SCNN1B: variants seen among roughly 807,000 people sequenced by gnomAD.
SCNN1B encodes the protein epithelial sodium channel subunit beta.
A neutral mutation model predicts 65.3 loss-of-function variants in SCNN1B; 46 were observed. The ratio of observed to expected loss-of-function variants is 0.70; its 90% CI spans 0.56 to 0.90. The LOEUF (loss-of-function observed/expected upper bound fraction) is 0.90. SCNN1B is among the 40% of genes least tolerant of loss of function. The probability of loss-of-function intolerance (pLI) is 0.00; values close to 1 mark genes in which losing one functional copy is unlikely to be tolerated. For synonymous variants in SCNN1B, 349 were observed against 330.6 expected, an observed-to-expected ratio of 1.06 and a Z score of -0.60; for missense variants, 751 against 830.5, an observed-to-expected ratio of 0.90 and a Z score of 1.18.
At chr16:23,366,968 G>T (rs1028345935) in intron 4 of SCNN1B, among the ~76,000 whole-genome samples, 2 of 152,194 alleles carry the variant, frequency 1.3e-5, no homozygotes, top group Non-Finnish European at 2.9e-5. Context: ...ATCAGAAGAG[G>T]CAAGGAGGAA....
At position 23,360,201 on chromosome 16, in the gene SCNN1B, A is replaced by AAAAT. The variant is rs781261312; in HGVS notation, c.776+4736_776+4739dup. On this transcript the variant is annotated intron_variant, in intron 4 of 12. Coordinates refer to ENST00000343070, the MANE Select transcript of SCNN1B (RefSeq NM_000336.3). ...AGAGAGAGCGAGACTCCATCTCAAA[A>AAAAT]AAATAAATAAATAAATAAATAAATA... is the stretch of plus-strand genomic sequence containing the variant. 8.4e-3 allele frequency among the ~76,000 whole-genome samples: 1,120 copies of AAAAT among 132,830 alleles called. 7 individuals are homozygous for AAAAT. The highest frequency in any genetic ancestry group is 0.012 in the Non-Finnish European group (707 of 60,220). The allele number at this position is 132,830 out of a possible 152,430, so 87.1% of individuals were successfully genotyped here. A position where few individuals can be genotyped will look rare whatever the true frequency, so the allele number is the denominator to read the frequency against.
At chr16:23,360,221 T>TAAATAAAC (rs1962516564) in intron 4 of SCNN1B, among the ~76,000 whole-genome samples, 1 of 150,222 alleles carries the variant, frequency 6.7e-6, no homozygotes, top group South Asian at 2.1e-4. Context: ...AATAAATAAA[T>TAAATAAAC]AAATAAACAA....
At chr16:23,321,943 T>C (rs772132596) in intron 1 of SCNN1B, among the ~76,000 whole-genome samples, 4 of 152,108 alleles carry the variant, frequency 2.6e-5, no homozygotes, top group African/African-American at 4.8e-5. Flanking sequence ...AAGGATCGCT[T>C]GAGCCCGGGA....
At position 23,375,765 on chromosome 16, in the gene SCNN1B, C is replaced by T; in HGVS notation, c.1180C>T (p.His394Tyr). Reference protein sequence around the residue: ...QACLRSCFQDHMIRNCNCGHY... With the variant: ...QACLRSCFQDYMIRNCNCGHY... The stretch of plus-strand genomic sequence containing the variant: ...CTGTCTTCGCTCCTGCTTCCAAGAC[C>T]ACATGATCCGTAACTGCAACTGTGG... The change falls in exon 8 of 13, where the codon CAC becomes TAC. Residue 394 changes from histidine to tyrosine, a missense_variant. By Grantham distance (83) the His-to-Tyr change is moderately conservative (BLOSUM62 2). Coordinates refer to ENST00000343070, the MANE Select transcript of SCNN1B (RefSeq NM_000336.3). 1 of 1,614,146 alleles carries T rather than the reference C, an allele frequency of 6.2e-7. No individual in the cohort carries two copies. Among genetic ancestry groups the T allele is most frequent in the Non-Finnish European group, 8.5e-7 (1 of 1,179,976 alleles).
rs112794156 is a variant in SCNN1B, at chr16:23,321,388, G to C, written c.-9+18951G>C. 2.5e-3 allele frequency among the ~76,000 whole-genome samples: 382 copies of C among 152,124 alleles called. 3 individuals carry two copies. Among genetic ancestry groups the C allele is most frequent in the African/African-American group, 8.9e-3 (368 of 41,506 alleles). On this transcript the variant is annotated intron_variant, in intron 1 of 12. Coordinates refer to ENST00000343070, the MANE Select transcript of SCNN1B (RefSeq NM_000336.3). ...CATCATCTGCTTGCCTCTGGCTGGG[G>C]CTCCCTGTTCCTCTGAAGGCCCCGC... is the stretch of plus-strand genomic sequence containing the variant.
intron 2 of SCNN1B, among the ~76,000 whole-genome samples, chr16:23,288,794 G>A (rs959208192): frequency 6.6e-6 from 1 of 152,164 alleles, no homozygotes; most frequent in Non-Finnish European, 1.5e-5. Context: ...GGGTGATAGA[G>A]TGAATGTCTG....
At chr16:23,309,626 G>A (rs900158277) in intron 1 of SCNN1B, among the ~76,000 whole-genome samples, 5 of 152,204 alleles carry the variant, frequency 3.3e-5, no homozygotes, top group African/African-American at 9.7e-5. Context: ...TAGGAGGCTA[G>A]GCCAGTCTAG....
intron 1 of SCNN1B, among the ~76,000 whole-genome samples, chr16:23,332,814 G>A (rs555780592): frequency 8.6e-5 from 13 of 151,954 alleles, no homozygotes; most frequent in Non-Finnish European, 1.5e-4. Flanking sequence ...GCTCATGCCC[G>A]TAATCCCAGC....
At chr16:23,368,852 A>T (rs1962725555) in intron 5 of SCNN1B, among the ~76,000 whole-genome samples, 1 of 152,154 alleles carries the variant, frequency 6.6e-6, no homozygotes. Flanking sequence ...TGATGTGCAC[A>T]CGTGGATATA....
In SCNN1B at chr16:23,352,909, G is replaced by A; in HGVS notation, c.420G>A (p.Leu140=). 4 of 1,614,154 alleles carry A rather than the reference G, an allele frequency of 2.5e-6. No homozygotes were observed. The highest frequency in any genetic ancestry group is 2.5e-6 in the Non-Finnish European group (3 of 1,180,038). ...GCCATGCCAATGCCACCAGGAACCT[G>A]AACTTCTCCATCTGGAACCACACAC... The part of the protein sequence containing the change: ...ELSHANATRN[L]NFSIWNHTPL... The change falls in exon 3 of 13, where the codon CTG becomes CTA. Residue 140 remains leucine, a synonymous_variant. Transcript: ENST00000343070.
chr16:23,323,642 C>G lies in SCNN1B; in HGVS notation c.-9+21205C>G, dbSNP rs565936553. 35 of 702,346 alleles carry G rather than the reference C, an allele frequency of 5.0e-5. No homozygotes were observed. In the East Asian group the frequency reaches 8.9e-4, roughly 18 times the overall value. 43.5% of individuals were successfully genotyped at this position (702,346 alleles called of 1,614,324 possible). A position where few individuals can be genotyped will look rare whatever the true frequency, so the allele number is the denominator to read the frequency against. On this transcript the variant is annotated intron_variant, in intron 1 of 12. Coordinates refer to ENST00000343070, the MANE Select transcript of SCNN1B (RefSeq NM_000336.3). ...CCCAACTGGGGTTTGAACCCAACTTCTTAACCACTACCCCATTGTAAAGGA... is the reference window on the plus strand; with the variant it reads ...CCCAACTGGGGTTTGAACCCAACTTGTTAACCACTACCCCATTGTAAAGGA...
intron 1 of SCNN1B, among the ~76,000 whole-genome samples, chr16:23,323,758 T>C (rs1005897108): frequency 6.6e-6 from 1 of 152,180 alleles, no homozygotes; most frequent in African/African-American, 2.4e-5. Context: ...CTTTATTCTA[T>C]AGACACCAGT....
At chr16:23,360,592 T>C (rs1417377134) in intron 4 of SCNN1B, among the ~76,000 whole-genome samples, 2 of 35,200 alleles carry the variant, frequency 5.7e-5, no homozygotes, top group African/African-American at 1.0e-4. Flanking sequence ...GTGGTGGTGG[T>C]TTTTTTTTTT....
chr16:23,343,581 G>GAGAAGAA (rs1346226245), intron 1 of SCNN1B, among the ~76,000 whole-genome samples: 15 of 70,324 alleles, frequency 2.1e-4, no homozygotes, highest in Non-Finnish European at 3.1e-4. Context: ...GAAAGAAAAA[G>GAGAAGAA]AGAAAGAAAG....
At chr16:23,342,551 ATTCTGT>A (rs1178168104) in intron 1 of SCNN1B, among the ~76,000 whole-genome samples, 1 of 152,128 alleles carries the variant, frequency 6.6e-6, no homozygotes, top group Admixed American at 6.6e-5. Context: ...CCAGCCTGCA[ATTCTGT>A]TTCTATTAGG....
intron 11 of SCNN1B, among the ~76,000 whole-genome samples, 178 bp from the exon 12 acceptor site, chr16:23,379,916 G>A (rs903511179): frequency 1.7e-4 from 26 of 152,188 alleles, no homozygotes; most frequent in Admixed American, 1.2e-3. Flanking sequence ...GGGCTGGGGC[G>A]GCCATCCCTG....
At chr16:23,372,902 C>A (rs1596884202) in intron 7 of SCNN1B, among the ~76,000 whole-genome samples, 1 of 150,028 alleles carries the variant, frequency 6.7e-6, no homozygotes, top group Non-Finnish European at 1.5e-5. Flanking sequence ...AAGTTCAAGA[C>A]CAGCCTGGCC....
At chr16:23,316,028 A>ACCATCGCCATCC (rs1961448163) in intron 1 of SCNN1B, among the ~76,000 whole-genome samples, 1 of 145,996 alleles carries the variant, frequency 6.8e-6, no homozygotes, top group Non-Finnish European at 1.5e-5. Context: ...CATCATCACC[A>ACCATCGCCATCC]TCACCATCGC....
At chr16:23,371,964 T>C in intron 7 of SCNN1B, 81 bp downstream of exon 7, 1 of 1,066,514 alleles carries the variant, frequency 9.4e-7, no homozygotes, top group Non-Finnish European at 1.5e-6. Context: ...CCGGGAGAGC[T>C]GGCCCCAGCA....
Sources: allele counts gnomAD v4.1 joint callset (sites outside exome capture counted in the v4.1 genomes callset), GRCh38; gene constraint gnomAD v4.1.1; transcripts MANE v1.5; gene names NCBI Gene and HGNC (gene_info 2026-07-23, HGNC 2026-07-21).